The following ACBD5 variants were observed in gnomAD, a reference collection of about 807,000 sequenced individuals.
ACBD5 encodes acyl-CoA binding domain containing 5.
A neutral mutation model predicts 71.8 loss-of-function variants in ACBD5; 40 were observed. The ratio of observed to expected loss-of-function variants is 0.56; its 90% confidence interval spans 0.43 to 0.72. The LOEUF (loss-of-function observed/expected upper bound fraction) is 0.72. ACBD5 is among the 30% of genes least tolerant of loss of function. The pLI is 0.00. For missense variants in ACBD5, 559 were observed against 644.5 expected (o/e 0.87, Z 1.44); for synonymous variants, 229 against 218.6 (o/e 1.05, Z -0.42).
At chr10:27,184,166 C>T (rs539935256) in intron 13 of ACBD5, among the ~76,000 whole-genome samples, 2 of 152,274 alleles carry the variant, frequency 1.3e-5, no homozygotes, top group Admixed American at 1.3e-4. Context: ...AGACAGTGAA[C>T]AGTTACAGAC....
intron 4 of ACBD5, among the ~76,000 whole-genome samples, chr10:27,224,465 T>G (rs6482610): frequency 0.069 from 10,436 of 152,228 alleles, 673 homozygotes; most frequent in African/African-American, 0.17. Context: ...TTATGATGTC[T>G]GTTCTTTAAC....
upstream of ACBD5, among the ~76,000 whole-genome samples, chr10:27,241,721 A>T (rs940699573): frequency 3.0e-4 from 31 of 103,508 alleles, no homozygotes; most frequent in African/African-American, 7.7e-4. Context: ...ACCAATAATT[A>T]AAAAAAAAAA....
upstream of ACBD5, among the ~76,000 whole-genome samples, chr10:27,241,237 C>A (rs1316296246): frequency 6.6e-6 from 1 of 152,166 alleles, no homozygotes; most frequent in Non-Finnish European, 1.5e-5. Flanking sequence ...GGCTTTAAGT[C>A]GGGACAGGTT....
At position 27,235,040 on chromosome 10, in the gene ACBD5, T is replaced by A; in HGVS notation, c.302+52A>T. On this transcript the variant is annotated intron_variant, in intron 3 of 12. Transcript: ENST00000396271. The stretch of plus-strand genomic sequence containing the variant: ...AACCACTTAAGTAATAGCCATATGA[T>A]AATTATGTCATTAAAATTTAAATTC... 2.6e-6 allele frequency: 4 copies of A among 1,563,088 alleles called. No homozygotes were observed. In the South Asian group the frequency reaches 4.5e-5, roughly 17 times the overall value.
rs1564528090 is a variant in ACBD5, at chr10:27,195,243, T to A, written c.*2187A>T. The A allele has an allele frequency of 2.4e-6, 1 of 411,976 alleles. No homozygotes were observed. Among genetic ancestry groups the A allele is most frequent in the African/African-American group, 2.1e-5 (1 of 47,550 alleles). 25.5% of individuals were successfully genotyped at this position (411,976 alleles called of 1,614,324 possible). A position where few individuals can be genotyped will look rare whatever the true frequency, so the allele number is the denominator to read the frequency against. ...TTCTCATTAACCTTTTATTTTTAAC[T>A]TAGTTTTACAATAAACAGAAAAGAA... On this transcript the variant is annotated 3_prime_UTR_variant, in exon 13 of 13. Transcript: ENST00000396271.
chr10:27,220,932 C>G (rs1426297167), intron 5 of ACBD5, among the ~76,000 whole-genome samples: 2 of 152,118 alleles, frequency 1.3e-5, no homozygotes, highest in African/African-American at 4.8e-5. Context: ...TTGGTAATAT[C>G]TTACAAAATT....
At chr10:27,230,512 C>G (rs1159917111) in intron 4 of ACBD5, among the ~76,000 whole-genome samples, 1 of 152,170 alleles carries the variant, frequency 6.6e-6, no homozygotes, top group Admixed American at 6.6e-5. Flanking sequence ...ATAAAAAAGT[C>G]TCTGCCGGGC....
At chr10:27,194,268 A>AC (rs983163961), downstream of ACBD5, among the ~76,000 whole-genome samples, 11 of 150,840 alleles carry the variant, frequency 7.3e-5, no homozygotes, top group Non-Finnish European at 8.9e-5. Flanking sequence ...AAAAAAAAAA[A>AC]AAAACCCTCT....
intron 3 of ACBD5, among the ~76,000 whole-genome samples, chr10:27,234,793 G>A (rs771579034): frequency 1.6e-4 from 24 of 152,218 alleles, no homozygotes; most frequent in African/African-American, 4.1e-4. Context: ...TTAGCTGGGT[G>A]TGGTGGCGCG....
At chr10:27,234,831 A>AT (rs2064426603) in intron 3 of ACBD5, among the ~76,000 whole-genome samples, 1 of 152,144 alleles carries the variant, frequency 6.6e-6, no homozygotes, top group Non-Finnish European at 1.5e-5. Flanking sequence ...ACTCAGGAAG[A>AT]TGAGGCAGGA....
At chr10:27,211,176 A>G in intron 8 of ACBD5, 95 bp from the exon 9 acceptor site, 1 of 1,277,878 alleles carries the variant, frequency 7.8e-7, no homozygotes, top group Non-Finnish European at 1.1e-6. Flanking sequence ...GTTTTCCTAA[A>G]ATGTTCTTTC....
At chr10:27,215,485 T>G (rs2061522968) in intron 8 of ACBD5, 50 bp downstream of exon 8, 1 of 1,320,746 alleles carries the variant, frequency 7.6e-7, no homozygotes. Flanking sequence ...ACGCATTGAA[T>G]TCTAATACAC....
intron 13 of ACBD5, among the ~76,000 whole-genome samples, chr10:27,184,615 C>T (rs1294038264): frequency 1.6e-5 from 2 of 121,272 alleles, no homozygotes; most frequent in African/African-American, 6.4e-5. Flanking sequence ...GGCTGGAGTG[C>T]AGTGGCATGA....
At chr10:27,201,020 C>A (rs788200) in intron 12 of ACBD5, among the ~76,000 whole-genome samples, 151,288 of 152,236 alleles carry the variant, frequency 0.99, 75,179 homozygotes, top group Middle Eastern at 1. Flanking sequence ...AAAAATAAGA[C>A]AGTTAGTTGA....
chr10:27,190,754 G>A (rs2059044581), downstream of ACBD5, among the ~76,000 whole-genome samples: 2 of 152,190 alleles, frequency 1.3e-5, no homozygotes, highest in African/African-American at 4.8e-5. Context: ...AACATTTGAA[G>A]GAAGGAGACT....
intron 8 of ACBD5, among the ~76,000 whole-genome samples, chr10:27,212,655 T>A (rs577253354): frequency 4.1e-4 from 62 of 152,008 alleles, no homozygotes; most frequent in African/African-American, 1.5e-3. Flanking sequence ...CTTGGCTCAT[T>A]GCAACCACTG....
At chr10:27,222,038 G>A (rs1029785841) in intron 5 of ACBD5, among the ~76,000 whole-genome samples, 5 of 152,002 alleles carry the variant, frequency 3.3e-5, no homozygotes, top group Non-Finnish European at 7.4e-5. Flanking sequence ...CAAATCAGAT[G>A]TAGAATGATG....
chr10:27,189,772 AT>A (rs1469080362), intron 13 of ACBD5, among the ~76,000 whole-genome samples: 23 of 17,274 alleles, frequency 1.3e-3, no homozygotes, highest in Admixed American at 2.3e-3. Context: ...TAATAAAAAT[AT>A]ATATATATAT....
At chr10:27,221,942 AAAG>A (rs1166562209) in intron 5 of ACBD5, among the ~76,000 whole-genome samples, 3 of 151,622 alleles carry the variant, frequency 2.0e-5, no homozygotes, top group African/African-American at 7.3e-5. Flanking sequence ...AAAAAAAAGA[AAAG>A]AAGAAAACAT....
Sources: gnomAD v4.1 joint callset for allele counts (sites outside exome capture counted in the v4.1 genomes callset) on GRCh38, gnomAD v4.1.1 for gene constraint, MANE v1.5 for transcripts, NCBI Gene and HGNC (gene_info 2026-07-23, HGNC 2026-07-21) for gene names.